KIT: variants seen among roughly 807,000 people sequenced by gnomAD.
KIT encodes the protein KIT proto-oncogene, receptor tyrosine kinase.
KIT carries 16 observed loss-of-function variants against 105.7 expected under a neutral mutation model. The observed-to-expected ratio is 0.15, with a 90% CI of 0.10 to 0.23. The LOEUF is 0.23. KIT is among the 10% of genes least tolerant of loss of function. KIT has a pLI of 1.00. For synonymous variants in KIT, 438 were observed against 441.1 expected (o/e 0.99, Z 0.09); for missense variants, 858 against 1,213.8 (o/e 0.71, Z 4.36).
At chr4:54,665,589 G>C (rs753481034) in intron 1 of KIT, among the ~76,000 whole-genome samples, 6 of 152,196 alleles carry the variant, frequency 3.9e-5, no homozygotes, top group Non-Finnish European at 7.3e-5. Context: ...GCACTGATGA[G>C]ATTGAGGGGA....
rs11345859 is a variant in KIT, at chr4:54,669,211, ACC to A, written c.67+11139_67+11140del. ...AAAAGCATCACTTTGATAAAAGAGG[ACC>A]CCCCCCCCTTGCTTTTTTAAAATAA... On this transcript the variant is annotated intron_variant, in intron 1 of 20. Transcript: ENST00000288135. Among the ~76,000 whole-genome samples, 1,077 of 147,298 alleles carry A rather than the reference ACC, an allele frequency of 7.3e-3. 15 individuals are homozygous for A. The highest frequency in any genetic ancestry group is 0.025 in the African/African-American group (1,008 of 40,162).
intron 1 of KIT, 69 bp downstream of exon 1, chr4:54,658,150 C>T: frequency 6.7e-7 from 1 of 1,490,186 alleles, no homozygotes; most frequent in Non-Finnish European, 9.4e-7. Context: ...GAGGGTGGTA[C>T]CCGCCAGGGT....
chr4:54,689,926 A>T (rs1225855418), intron 1 of KIT, among the ~76,000 whole-genome samples: 2 of 152,138 alleles, frequency 1.3e-5, no homozygotes, highest in Non-Finnish European at 2.9e-5. Flanking sequence ...TGTCTCTGTG[A>T]ATTAGCCTAT....
intron 1 of KIT, among the ~76,000 whole-genome samples, chr4:54,668,977 T>C (rs1405581663): frequency 6.6e-6 from 1 of 152,222 alleles, no homozygotes; most frequent in Admixed American, 6.5e-5. Flanking sequence ...ATGGTTGATA[T>C]TGATATTTAT....
At chr4:54,727,059 AGAG>A (rs1722265989) in intron 9 of KIT, among the ~76,000 whole-genome samples, 156 bp from the exon 10 acceptor site, 1 of 152,234 alleles carries the variant, frequency 6.6e-6, no homozygotes, top group Admixed American at 6.5e-5. Flanking sequence ...TTGAATAACA[AGAG>A]TACAATGTAA....
intron 1 of KIT, among the ~76,000 whole-genome samples, chr4:54,669,039 T>C (rs1717907512): frequency 6.6e-6 from 1 of 152,206 alleles, no homozygotes; most frequent in Non-Finnish European, 1.5e-5. Context: ...TTGTCATTGT[T>C]AAATCAAGCC....
intron 9 of KIT, 42 bp downstream of exon 9, chr4:54,726,092 C>CT (rs764382340): frequency 6.7e-7 from 1 of 1,483,834 alleles, no homozygotes; most frequent in South Asian, 1.1e-5. Flanking sequence ...TGTTTAGGCT[C>CT]TGTCTACCAT....
intron 7 of KIT, among the ~76,000 whole-genome samples, chr4:54,722,542 C>T (rs73818391): frequency 0.013 from 1,986 of 152,122 alleles, 41 homozygotes; most frequent in African/African-American, 0.046. Flanking sequence ...AGACTTGGCA[C>T]AATCAATGCT....
intron 1 of KIT, among the ~76,000 whole-genome samples, chr4:54,678,256 C>T (rs1184331762): frequency 7.5e-6 from 1 of 132,592 alleles, no homozygotes; most frequent in Non-Finnish European, 1.6e-5. Context: ...TGCCATTTTT[C>T]TTCATAGCTT....
At chr4:54,709,735 A>G in intron 7 of KIT, 196 bp downstream of exon 7, 1 of 652,402 alleles carries the variant, frequency 1.5e-6, no homozygotes, top group South Asian at 1.6e-5. Context: ...TTCACTGATC[A>G]CATGACCTTG....
chr4:54,674,856 GC>G (rs1718353056), intron 1 of KIT, among the ~76,000 whole-genome samples: 2 of 152,146 alleles, frequency 1.3e-5, no homozygotes, highest in Admixed American at 1.3e-4. Context: ...GAACTGACAT[GC>G]TTTTGTCATT....
chr4:54,663,521 GT>G (rs376622031), intron 1 of KIT, among the ~76,000 whole-genome samples: 204 of 146,704 alleles, frequency 1.4e-3, no homozygotes, highest in African/African-American at 1.2e-3. Flanking sequence ...ATGTAGAGTG[GT>G]TTTTTTTTTT....
intron 7 of KIT, among the ~76,000 whole-genome samples, chr4:54,712,369 C>G (rs1315908606): frequency 3.3e-5 from 5 of 152,230 alleles, no homozygotes; most frequent in Admixed American, 2.6e-4. Flanking sequence ...CCAGCAACAG[C>G]AGATCGTGGG....
intron 7 of KIT, among the ~76,000 whole-genome samples, chr4:54,720,365 A>C (rs1051651831): frequency 1.3e-5 from 2 of 152,330 alleles, no homozygotes; most frequent in African/African-American, 2.4e-5. Context: ...ATTAACCGGC[A>C]CATGGGAACA....
intron 20 of KIT, 54 bp downstream of exon 20, chr4:54,737,334 T>A: frequency 8.5e-7 from 1 of 1,179,428 alleles, no homozygotes; most frequent in Non-Finnish European, 1.3e-6. Flanking sequence ...TCCAGGTGTG[T>A]CCTCCTCCTC....
intron 7 of KIT, among the ~76,000 whole-genome samples, chr4:54,720,513 TC>T (rs1269392861): frequency 1.3e-5 from 2 of 152,228 alleles, no homozygotes; most frequent in Admixed American, 1.3e-4. Context: ...TTTGAGCTGT[TC>T]CAATTTTTTA....
chr4:54,708,541 G>C (rs1170428230), intron 6 of KIT, among the ~76,000 whole-genome samples: 1 of 152,116 alleles, frequency 6.6e-6, no homozygotes, highest in Non-Finnish European at 1.5e-5. Flanking sequence ...GATTGCGCAA[G>C]GGCAATCCTT....
At chr4:54,712,260 T>A (rs1721209441) in intron 7 of KIT, among the ~76,000 whole-genome samples, 1 of 152,054 alleles carries the variant, frequency 6.6e-6, no homozygotes, top group African/African-American at 2.4e-5. Context: ...CAAGCTCGGG[T>A]TTTTTTATTT....
intron 1 of KIT, among the ~76,000 whole-genome samples, chr4:54,676,773 G>C (rs960652196): frequency 6.6e-6 from 1 of 151,962 alleles, no homozygotes; most frequent in Admixed American, 6.6e-5. Context: ...CCTCATTGTT[G>C]GCTGTGGAGT....
Sources: allele counts gnomAD v4.1 joint callset (sites outside exome capture counted in the v4.1 genomes callset), GRCh38; gene constraint gnomAD v4.1.1; transcripts MANE v1.5; gene names NCBI Gene and HGNC (gene_info 2026-07-23, HGNC 2026-07-21).